C1QTNF7: variants seen among roughly 807,000 people sequenced by gnomAD.
C1QTNF7 encodes complement C1q tumor necrosis factor-related protein 7.
Under a neutral mutation model 19.6 loss-of-function variants are expected in C1QTNF7, and 15 were observed. The ratio of observed to expected loss-of-function variants is 0.76; its 90% CI spans 0.51 to 1.18. C1QTNF7 has a LOEUF of 1.18. Ranked by LOEUF, C1QTNF7 falls within the 50% of genes most tolerant of loss-of-function variation. The pLI is 0.00. For synonymous variants in C1QTNF7, 142 were observed against 137.5 expected (o/e 1.03, Z -0.23); for missense variants, 324 against 359.7 (o/e 0.90, Z 0.80).
chr4:15,349,708 T>C (rs1716841516), intron 1 of C1QTNF7, among the ~76,000 whole-genome samples: 1 of 152,186 alleles, frequency 6.6e-6, no homozygotes, highest in East Asian at 1.9e-4. Context: ...TTCCTTTTCT[T>C]TTCCTTGACC....
intron 1 of C1QTNF7, among the ~76,000 whole-genome samples, chr4:15,408,046 A>T (rs934484160): frequency 1.3e-5 from 2 of 152,304 alleles, no homozygotes; most frequent in East Asian, 3.9e-4. Flanking sequence ...AGGCAGGCGG[A>T]TCATGAGGTC....
chr4:15,346,351 A>G (rs1052290720), intron 1 of C1QTNF7, among the ~76,000 whole-genome samples: 1 of 152,218 alleles, frequency 6.6e-6, no homozygotes, highest in African/African-American at 2.4e-5. Flanking sequence ...GTTCTAATTA[A>G]TTAAGACGAA....
chr4:15,411,781 G>T (rs138433291), intron 1 of C1QTNF7, among the ~76,000 whole-genome samples: 45 of 152,310 alleles, frequency 3.0e-4, no homozygotes, highest in African/African-American at 9.9e-4. Flanking sequence ...AAAGTCAGAA[G>T]TCTCAGGTGG....
In C1QTNF7 at chr4:15,409,388, C is replaced by T. The variant is rs147583692; in HGVS notation, c.14-26348C>T. ...CAAGACTCTAAGTGATTGCAGCTTGCGAATGGGCCTCTGTATCTATCTGTA... is the reference window on the plus strand; with the variant it reads ...CAAGACTCTAAGTGATTGCAGCTTGTGAATGGGCCTCTGTATCTATCTGTA... On this transcript the variant is annotated intron_variant, in intron 1 of 2. Transcript: ENST00000295297. Among the ~76,000 whole-genome samples, 432 of 152,260 alleles carry T rather than the reference C, an allele frequency of 2.8e-3. 1 individual carries two copies. Among genetic ancestry groups the T allele is most frequent in the African/African-American group, 9.7e-3 (403 of 41,550 alleles).
chr4:15,397,887 A>G (rs1252431058), intron 1 of C1QTNF7, among the ~76,000 whole-genome samples: 2 of 152,172 alleles, frequency 1.3e-5, no homozygotes, highest in African/African-American at 4.8e-5. Flanking sequence ...ACACAGTTCT[A>G]CTTCCAAGAA....
chr4:15,407,857 C>T (rs1412905452), intron 1 of C1QTNF7, among the ~76,000 whole-genome samples: 1 of 151,976 alleles, frequency 6.6e-6, no homozygotes, highest in African/African-American at 2.4e-5. Context: ...ACCCAGAAGG[C>T]GGAGGTTGCA....
intron 1 of C1QTNF7, among the ~76,000 whole-genome samples, chr4:15,366,310 T>A (rs897668571): frequency 2.6e-5 from 4 of 152,176 alleles, no homozygotes; most frequent in Non-Finnish European, 5.9e-5. Context: ...CCAGGAAAAT[T>A]AGGATGGCTG....
chr4:15,428,723 G>A (rs1712168269), intron 1 of C1QTNF7, among the ~76,000 whole-genome samples: 1 of 152,120 alleles, frequency 6.6e-6, no homozygotes, highest in Non-Finnish European at 1.5e-5. Flanking sequence ...AGGAACTGAG[G>A]CATGAGCAGC....
intron 1 of C1QTNF7, among the ~76,000 whole-genome samples, chr4:15,407,351 T>C (rs1007035005): frequency 1.3e-5 from 2 of 152,236 alleles, no homozygotes; most frequent in South Asian, 2.1e-4. Context: ...TCTCTCATTT[T>C]AGAAATGAGA....
At chr4:15,436,027 T>G (rs748101374) in intron 2 of C1QTNF7, 46 bp downstream of exon 2, 3 of 1,571,778 alleles carry the variant, frequency 1.9e-6, no homozygotes, top group Non-Finnish European at 2.6e-6. Flanking sequence ...CACCCCCACC[T>G]TAAAACTGTT....
chr4:15,428,508 C>T (rs1383691959), intron 1 of C1QTNF7, among the ~76,000 whole-genome samples: 2 of 151,890 alleles, frequency 1.3e-5, no homozygotes, highest in African/African-American at 4.8e-5. Context: ...CTACTGTAGA[C>T]TAGTCTCTGT....
chr4:15,428,751 C>T (rs1263498833), intron 1 of C1QTNF7, among the ~76,000 whole-genome samples: 1 of 152,144 alleles, frequency 6.6e-6, no homozygotes, highest in East Asian at 1.9e-4. Context: ...TCCATCCTGT[C>T]CCAATCACAG....
rs183102118 is a variant in C1QTNF7, at chr4:15,364,067, A to G, written c.13+23860A>G. 2.3e-4 allele frequency among the ~76,000 whole-genome samples: 35 copies of G among 152,320 alleles called. No homozygotes were observed. The East Asian group carries it at 6.2e-3, about 27-fold the overall frequency. On this transcript the variant is annotated intron_variant, in intron 1 of 2. Coordinates refer to the C1QTNF7 transcript ENST00000295297. The stretch of plus-strand genomic sequence containing the variant: ...GTCTAATTAATCTTGTTATGATCCC[A>G]CTATGGCTACCATTCTGGCCAGTGT...
intron 1 of C1QTNF7, among the ~76,000 whole-genome samples, chr4:15,375,989 G>T (rs1717925050): frequency 1.3e-5 from 2 of 152,112 alleles, no homozygotes; most frequent in South Asian, 4.1e-4. Flanking sequence ...CTAGGTTACT[G>T]TACATTTATA....
intron 1 of C1QTNF7, among the ~76,000 whole-genome samples, chr4:15,422,714 C>A (rs959722951): frequency 6.6e-6 from 1 of 152,158 alleles, no homozygotes; most frequent in Non-Finnish European, 1.5e-5. Flanking sequence ...AAGCCATCCT[C>A]CCACCTCAGC....
chr4:15,342,070 G>A (rs890604021), intron 1 of C1QTNF7, among the ~76,000 whole-genome samples: 2 of 152,248 alleles, frequency 1.3e-5, no homozygotes, highest in Non-Finnish European at 2.9e-5. Flanking sequence ...CATCTAAGGC[G>A]CAGTCACTGG....
chr4:15,407,862 G>T lies in C1QTNF7; in HGVS notation c.14-27874G>T, dbSNP rs545665754. Among the ~76,000 whole-genome samples the T allele has an allele frequency of 1.6e-3, 248 of 152,248 alleles. 1 individual carries two copies. The highest frequency in any genetic ancestry group is 5.7e-3 in the African/African-American group (237 of 41,552). On this transcript the variant is annotated intron_variant, in intron 1 of 2. Transcript: ENST00000295297. ...AATCGCTTGAACCCAGAAGGCGGAG[G>T]TTGCAGTGAGCCCAGAAGGCAGAGG...
chr4:15,420,437 G>A (rs1045835350), intron 1 of C1QTNF7, among the ~76,000 whole-genome samples: 9 of 152,120 alleles, frequency 5.9e-5, no homozygotes, highest in Admixed American at 2.0e-4. Context: ...CAACAAGAAC[G>A]TAAACTCTAA....
At chr4:15,357,769 G>GT (rs1367214711) in intron 1 of C1QTNF7, among the ~76,000 whole-genome samples, 1 of 152,068 alleles carries the variant, frequency 6.6e-6, no homozygotes, top group Non-Finnish European at 1.5e-5. Context: ...TTGAGCAGTG[G>GT]TTTATAGCTC....
Sources: allele counts gnomAD v4.1 joint callset (sites outside exome capture counted in the v4.1 genomes callset), GRCh38; gene constraint gnomAD v4.1.1; transcripts MANE v1.5; gene names NCBI Gene and HGNC (gene_info 2026-07-23, HGNC 2026-07-21).